The following VPS45 variants were observed in gnomAD, a reference collection of about 807,000 sequenced individuals.
VPS45 encodes vacuolar protein sorting 45 homolog.
A neutral mutation model predicts 75.9 loss-of-function variants in VPS45; 35 were observed. The ratio of observed to expected loss-of-function variants is 0.46; its 90% CI spans 0.35 to 0.61. The LOEUF (loss-of-function observed/expected upper bound fraction) is 0.61. Ranked by LOEUF, VPS45 falls within the 20% of genes least tolerant of loss-of-function variation. The pLI, the probability that VPS45 is intolerant of heterozygous loss-of-function variation, is 0.00. For synonymous variants in VPS45, 220 were observed against 238.2 expected (o/e 0.92, Z 0.70); for missense variants, 559 against 685.9 (o/e 0.81, Z 2.07).
intron 14 of VPS45, among the ~76,000 whole-genome samples, chr1:150,133,137 T>C (rs1351161276): frequency 6.6e-6 from 1 of 152,218 alleles, no homozygotes; most frequent in Non-Finnish European, 1.5e-5. Flanking sequence ...ACTATGAAGA[T>C]AGTCCGATGT....
intron 14 of VPS45, among the ~76,000 whole-genome samples, chr1:150,111,361 G>GAA (rs1370950937): frequency 6.6e-6 from 1 of 152,170 alleles, no homozygotes; most frequent in Non-Finnish European, 1.5e-5. Flanking sequence ...CATACACAAA[G>GAA]AACAGCAAAT....
At position 150,144,837 on chromosome 1, in the gene VPS45, C is replaced by A; in HGVS notation, c.*41C>A. The A allele has an allele frequency of 6.2e-7, 1 of 1,613,130 alleles. No individual in the cohort carries two copies. Among genetic ancestry groups the A allele is most frequent in the Non-Finnish European group, 8.5e-7 (1 of 1,179,724 alleles). On this transcript the variant is annotated 3_prime_UTR_variant, in exon 15 of 15. Coordinates refer to ENST00000644510, the MANE Select transcript of VPS45 (RefSeq NM_007259.5). ...AAGGGCACAGCTTCCTCTCTTGTCC[C>A]CACTACAGGTTTTCCCTACTAAACA...
chr1:150,096,434 G>T (rs906786221), intron 13 of VPS45, among the ~76,000 whole-genome samples: 2 of 152,174 alleles, frequency 1.3e-5, no homozygotes, highest in African/African-American at 2.4e-5. Flanking sequence ...TTCATAGGGG[G>T]TTCAGATACT....
At chr1:150,103,280 T>G (rs2101592993) in intron 13 of VPS45, among the ~76,000 whole-genome samples, 1 of 152,268 alleles carries the variant, frequency 6.6e-6, no homozygotes, top group East Asian at 1.9e-4. Flanking sequence ...TGCTATGTGT[T>G]TTACCATTGG....
chr1:150,101,594 C>T (rs1318531431), intron 13 of VPS45, among the ~76,000 whole-genome samples: 4 of 151,696 alleles, frequency 2.6e-5, no homozygotes, highest in Admixed American at 6.6e-5. Context: ...ATTAGCCAGG[C>T]CTGGTGGCGC....
intron 13 of VPS45, among the ~76,000 whole-genome samples, chr1:150,100,741 A>G (rs1399121879): frequency 6.6e-6 from 1 of 152,190 alleles, no homozygotes; most frequent in Non-Finnish European, 1.5e-5. Context: ...GAAAAGACTC[A>G]TTCAATAAAT....
intron 14 of VPS45, among the ~76,000 whole-genome samples, chr1:150,128,357 C>T (rs1658631154): frequency 6.6e-6 from 1 of 151,136 alleles, no homozygotes; most frequent in Admixed American, 6.6e-5. Flanking sequence ...AGTTTCATAA[C>T]TATCTGAAAT....
rs587695318 is a variant in VPS45 at position 150,076,181 on chromosome 1, T to C, written c.290-52T>C. On this transcript the variant is annotated intron_variant, in intron 3 of 14. Transcript: ENST00000644510. ...TTTAACTATCAGGCCCTTTTACATA[T>C]ATTGCAGCAGAAATTATCTCCTTTG... 710 of 1,457,748 alleles carry C rather than the reference T, an allele frequency of 4.9e-4. 11 individuals are homozygous for C. In the South Asian group the frequency reaches 8.6e-3, roughly 18 times the overall value. 90.3% of individuals were successfully genotyped at this position (1,457,748 alleles called of 1,614,324 possible).
chr1:150,134,671 C>T (rs1301800911), intron 14 of VPS45, among the ~76,000 whole-genome samples: 5 of 152,116 alleles, frequency 3.3e-5, no homozygotes, highest in Non-Finnish European at 5.9e-5. Flanking sequence ...TAGTATCATA[C>T]TTTTTTCATT....
At position 150,067,888 on chromosome 1, in the gene VPS45, A is replaced by G. The variant is rs1553796169; in HGVS notation, c.31A>G (p.Ile11Val). The part of the protein sequence containing the change: MNVVFAVKQY[I>V]SKMIEDSGPG... ...CGTGGTTTTTGCTGTGAAGCAGTAC[A>G]TTTCCAAAATGATAGAGGACAGCGG... The change falls in exon 1 of 15, where the codon ATT becomes GTT. Residue 11 changes from isoleucine to valine, a missense_variant. Physicochemically the swap from Ile to Val is conservative, Grantham distance 29. Coordinates refer to ENST00000644510, the MANE Select transcript of VPS45 (RefSeq NM_007259.5). 13 of 1,614,222 alleles carry G rather than the reference A, an allele frequency of 8.1e-6. No homozygotes were observed. The highest frequency in any genetic ancestry group is 1.0e-5 in the Non-Finnish European group (12 of 1,180,034).
intron 13 of VPS45, among the ~76,000 whole-genome samples, chr1:150,099,591 T>C (rs1405502032): frequency 4.0e-5 from 6 of 151,648 alleles, no homozygotes; most frequent in African/African-American, 1.5e-4. Context: ...CCCAGTATTC[T>C]GGGAGGCCAA....
At chr1:150,142,244 A>G (rs1455793789) in intron 14 of VPS45, among the ~76,000 whole-genome samples, 2 of 152,178 alleles carry the variant, frequency 1.3e-5, no homozygotes, top group African/African-American at 2.4e-5. Flanking sequence ...GAAATGAACC[A>G]AAGATCCCCT....
chr1:150,073,762 C>T (rs1313930467), intron 3 of VPS45, among the ~76,000 whole-genome samples: 1 of 152,050 alleles, frequency 6.6e-6, no homozygotes, highest in Middle Eastern at 3.2e-3. Context: ...AACACTGATA[C>T]AGTCAGGATA....
intron 13 of VPS45, among the ~76,000 whole-genome samples, chr1:150,102,965 G>A (rs990653944): frequency 1.3e-5 from 2 of 152,010 alleles, no homozygotes; most frequent in Non-Finnish European, 2.9e-5. Flanking sequence ...ACAAACCGCC[G>A]TGACACATGC....
At chr1:150,132,457 A>G (rs74124313) in intron 14 of VPS45, among the ~76,000 whole-genome samples, 3,265 of 152,320 alleles carry the variant, frequency 0.021, 96 homozygotes, top group African/African-American at 0.074. Flanking sequence ...TTAAAGAGCC[A>G]TCAATTTGAT....
intron 12 of VPS45, 32 bp downstream of exon 12, chr1:150,092,441 G>A: frequency 6.3e-7 from 1 of 1,575,422 alleles, no homozygotes; most frequent in Non-Finnish European, 8.7e-7. Flanking sequence ...TCTCCTGAGT[G>A]AGAACAGTTG....
intron 14 of VPS45, among the ~76,000 whole-genome samples, chr1:150,114,918 A>AAC: frequency 6.6e-6 from 1 of 150,910 alleles, no homozygotes; most frequent in African/African-American, 2.4e-5. Flanking sequence ...AAAAAAAAAA[A>AAC]ACTTTAGTAT....
chr1:150,077,735 A>G lies in VPS45; in HGVS notation c.643A>G (p.Ile215Val), dbSNP rs782231922. The G allele has an allele frequency of 6.2e-7, 1 of 1,614,080 alleles. No individual in the cohort carries two copies. The highest frequency in any genetic ancestry group is 1.1e-5 in the South Asian group (1 of 91,088). ...RRTEVPPLLL[I>V]LDRCDDAITP... ...GACAGAGGTTCCTCCATTGCTCCTT[A>G]TTTTAGATCGCTGTGATGATGCCAT... Residue 215 changes from isoleucine to valine, a missense_variant, in exon 7 of 15, where the codon ATT becomes GTT. Ile to Val is a conservative substitution (Grantham distance 29). Coordinates refer to ENST00000644510, the MANE Select transcript of VPS45 (RefSeq NM_007259.5).
In VPS45 at chr1:150,144,891, G is replaced by A. The variant is rs1659596647; in HGVS notation, c.*95G>A. The A allele has an allele frequency of 2.5e-6, 4 of 1,580,478 alleles. No homozygotes were observed. In the South Asian group the frequency reaches 3.4e-5, roughly 14 times the overall value. ...GTGTTGGAGAGCAGCTTTGGGTTCT[G>A]TGCTGGTTGTTAGAACTCATCTCCA... is the stretch of plus-strand genomic sequence containing the variant. On this transcript the variant is annotated 3_prime_UTR_variant, in exon 15 of 15. Transcript: ENST00000644510.
Sources: gnomAD v4.1 joint callset for allele counts (sites outside exome capture counted in the v4.1 genomes callset) on GRCh38, gnomAD v4.1.1 for gene constraint, MANE v1.5 for transcripts, NCBI Gene and HGNC (gene_info 2026-07-23, HGNC 2026-07-21) for gene names.